Variants in RIT2 observed in about 807,000 individuals in gnomAD.
RIT2 encodes the protein GTP-binding protein Rit2.
In RIT2, 24 loss-of-function variants were observed where a neutral mutation model predicts 23.7. The observed-to-expected ratio is 1.01, with a 90% CI of 0.73 to 1.43. The LOEUF is 1.43. Ranked by LOEUF, RIT2 falls within the 40% of genes most tolerant of loss-of-function variation. The probability of loss-of-function intolerance (pLI) is 0.00; values close to 1 mark genes in which losing one functional copy is unlikely to be tolerated. For missense variants in RIT2, 236 were observed against 266.9 expected (o/e 0.88, Z 0.81); for synonymous variants, 107 against 91.1 (o/e 1.17, Z -0.99).
chr18:42,882,919 C>A (rs1000164746), intron 4 of RIT2, among the ~76,000 whole-genome samples: 2 of 152,074 alleles, frequency 1.3e-5, no homozygotes, highest in Non-Finnish European at 2.9e-5. Flanking sequence ...TAACATCTGG[C>A]AGTAAGTAGG....
At chr18:43,047,378 T>A (rs996151669) in intron 1 of RIT2, among the ~76,000 whole-genome samples, 5 of 152,100 alleles carry the variant, frequency 3.3e-5, no homozygotes, top group African/African-American at 1.2e-4. Context: ...AATTATAGAA[T>A]TAAAAATTAA....
At chr18:42,896,546 C>T (rs595658) in intron 4 of RIT2, among the ~76,000 whole-genome samples, 142,346 of 152,248 alleles carry the variant, frequency 0.93, 66,551 homozygotes, top group East Asian at 1. Context: ...GCTATGTTCC[C>T]CTGCCCACTC....
intron 4 of RIT2, among the ~76,000 whole-genome samples, chr18:42,821,116 T>C (rs997303243): frequency 1.3e-5 from 2 of 152,118 alleles, no homozygotes; most frequent in African/African-American, 4.8e-5. Flanking sequence ...CCTACAAAAC[T>C]CTGAGCCAAA....
chr18:42,865,077 G>A (rs1324268607), intron 4 of RIT2, among the ~76,000 whole-genome samples: 6 of 152,122 alleles, frequency 3.9e-5, no homozygotes, highest in Non-Finnish European at 7.3e-5. Flanking sequence ...CACACAACTA[G>A]TTATAGCCCA....
rs192112907 is a variant in RIT2, at chr18:43,044,984, T to G, written c.104-11117A>C. On this transcript the variant is annotated intron_variant, in intron 1 of 4. Coordinates refer to ENST00000326695, the MANE Select transcript of RIT2 (RefSeq NM_002930.4). ...GGCAAAGAATATTAAAAACTAAATA[T>G]TACCAGTCATTATTTATTTGCTGTA... 6.2e-3 allele frequency among the ~76,000 whole-genome samples: 941 copies of G among 152,294 alleles called. 8 individuals are homozygous for G. The highest frequency in any genetic ancestry group is 0.013 in the South Asian group (62 of 4,824).
chr18:42,795,804 G>GT (rs1333630303), intron 4 of RIT2, among the ~76,000 whole-genome samples: 2 of 152,182 alleles, frequency 1.3e-5, no homozygotes, highest in African/African-American at 4.8e-5. Flanking sequence ...TCAGCACCCT[G>GT]TGTCTAGCTC....
rs949243527 is a variant in RIT2 at position 42,751,997 on chromosome 18, C to T, written c.427-8277G>A. 1.7e-4 allele frequency among the ~76,000 whole-genome samples: 26 copies of T among 151,932 alleles called. 1 individual carries two copies. Among genetic ancestry groups the T allele is most frequent in the African/African-American group, 6.3e-4 (26 of 41,382 alleles). On this transcript the variant is annotated intron_variant, in intron 4 of 4. Transcript: ENST00000326695. ...GAATATTGACAAACCATACATTTGT[C>T]ATACCTACCTTTGAGCTTGAAATTT... is the stretch of plus-strand genomic sequence containing the variant.
At position 43,074,431 on chromosome 18, in the gene RIT2, T is replaced by G. The variant is rs1285672596; in HGVS notation, c.104-40564A>C. ...AACTAATAATTCCCATCTTTCTACT[T>G]CAGTAAATGTTTATGTTATATAAAA... is the stretch of plus-strand genomic sequence containing the variant. On this transcript the variant is annotated intron_variant, in intron 1 of 4. Transcript: ENST00000326695. 2.6e-5 allele frequency among the ~76,000 whole-genome samples: 4 copies of G among 152,218 alleles called. No homozygotes were observed. The East Asian group carries it at 7.7e-4, about 29-fold the overall frequency.
chr18:43,077,504 C>G (rs1276381525), intron 1 of RIT2, among the ~76,000 whole-genome samples: 1 of 152,162 alleles, frequency 6.6e-6, no homozygotes, highest in East Asian at 1.9e-4. Flanking sequence ...AAGCCTGGCC[C>G]TTTGTAACTT....
At chr18:43,099,687 CA>C (rs1913637995) in intron 1 of RIT2, among the ~76,000 whole-genome samples, 1 of 152,056 alleles carries the variant, frequency 6.6e-6, no homozygotes, top group South Asian at 2.1e-4. Flanking sequence ...TCTATAATAT[CA>C]AGAGCCATGT....
At chr18:42,876,264 T>TC (rs1292588256) in intron 4 of RIT2, among the ~76,000 whole-genome samples, 2 of 151,746 alleles carry the variant, frequency 1.3e-5, no homozygotes, top group Admixed American at 6.6e-5. Flanking sequence ...ATGTATTTTC[T>TC]CCCCCAGTGA....
intron 4 of RIT2, among the ~76,000 whole-genome samples, chr18:42,910,519 C>T (rs1047656279): frequency 2.2e-4 from 34 of 152,028 alleles, no homozygotes; most frequent in African/African-American, 6.0e-4. Context: ...CACAACACCC[C>T]GCTAATGTGT....
At chr18:43,079,399 T>C (rs1356609961) in intron 1 of RIT2, among the ~76,000 whole-genome samples, 2 of 152,232 alleles carry the variant, frequency 1.3e-5, no homozygotes, top group Non-Finnish European at 1.5e-5. Context: ...TATTCCGCTA[T>C]AAACATTTTT....
intron 2 of RIT2, among the ~76,000 whole-genome samples, chr18:42,986,363 T>A (rs1177413192): frequency 7.6e-5 from 1 of 13,084 alleles, no homozygotes; most frequent in Admixed American, 2.1e-3. Context: ...CTACAAATCA[T>A]TCACAAAAAG....
chr18:42,892,207 G>C (rs913750764), intron 4 of RIT2, among the ~76,000 whole-genome samples: 4 of 152,062 alleles, frequency 2.6e-5, no homozygotes, highest in African/African-American at 9.7e-5. Flanking sequence ...TTCCTACCTA[G>C]AGTACTAATT....
chr18:42,889,035 G>A (rs1326939999), intron 4 of RIT2, among the ~76,000 whole-genome samples: 4 of 151,850 alleles, frequency 2.6e-5, no homozygotes, highest in Non-Finnish European at 5.9e-5. Flanking sequence ...ATCTGCACAT[G>A]TGCCCCCCTG....
chr18:42,820,321 C>T (rs1906112335), intron 4 of RIT2, among the ~76,000 whole-genome samples: 1 of 151,994 alleles, frequency 6.6e-6, no homozygotes, highest in Non-Finnish European at 1.5e-5. Flanking sequence ...AGGACCCTGA[C>T]CTCGAACAGA....
At chr18:42,836,514 C>A (rs1275072505) in intron 4 of RIT2, among the ~76,000 whole-genome samples, 1 of 152,082 alleles carries the variant, frequency 6.6e-6, no homozygotes, top group Non-Finnish European at 1.5e-5. Flanking sequence ...ACAGGCAAAG[C>A]AACAAAATTC....
At chr18:42,764,772 A>T (rs2143905764) in intron 4 of RIT2, among the ~76,000 whole-genome samples, 1 of 152,326 alleles carries the variant, frequency 6.6e-6, no homozygotes, top group East Asian at 1.9e-4. Context: ...TTATCCTCTC[A>T]TCTGCTAACC....
Sources: gnomAD v4.1 joint callset for allele counts (sites outside exome capture counted in the v4.1 genomes callset) on GRCh38, gnomAD v4.1.1 for gene constraint, MANE v1.5 for transcripts, NCBI Gene and HGNC (gene_info 2026-07-23, HGNC 2026-07-21) for gene names.